The following NECAB1 variants were observed in gnomAD, a reference collection of about 807,000 sequenced individuals.
The protein encoded by NECAB1 is N-terminal EF-hand calcium binding protein 1.
A neutral mutation model predicts 57.5 loss-of-function variants in NECAB1; 29 were observed. The observed-to-expected ratio is 0.50, with a 90% CI of 0.38 to 0.69. The LOEUF (loss-of-function observed/expected upper bound fraction) is 0.69. NECAB1 is among the 30% of genes least tolerant of loss of function. The probability of loss-of-function intolerance (pLI) is 0.00; values close to 1 mark genes in which losing one functional copy is unlikely to be tolerated. For missense variants in NECAB1, 372 were observed against 413.8 expected (o/e 0.90, Z 0.88); for synonymous variants, 142 against 147.7 (o/e 0.96, Z 0.28).
At chr8:90,816,771 A>G (rs1219352347) in intron 2 of NECAB1, among the ~76,000 whole-genome samples, 2 of 151,664 alleles carry the variant, frequency 1.3e-5, no homozygotes, top group Non-Finnish European at 3.0e-5. Flanking sequence ...TCTGTCCTCA[A>G]ACTTTATTCT....
chr8:90,934,245 G>A, intron 8 of NECAB1, 59 bp from the exon 9 acceptor site: 1 of 1,158,072 alleles, frequency 8.6e-7, no homozygotes, highest in South Asian at 1.5e-5. Flanking sequence ...TGAATATATG[G>A]CATTGTTTTA....
chr8:90,848,921 G>A (rs1206742983), intron 3 of NECAB1, among the ~76,000 whole-genome samples: 10 of 152,068 alleles, frequency 6.6e-5, no homozygotes, highest in South Asian at 4.1e-4. Flanking sequence ...ACTGCACTCC[G>A]GTCTGTGTGA....
chr8:90,919,855 C>T (rs1226956252), intron 6 of NECAB1, among the ~76,000 whole-genome samples: 1 of 152,160 alleles, frequency 6.6e-6, no homozygotes, highest in Non-Finnish European at 1.5e-5. Flanking sequence ...AAGTGCTCTA[C>T]TCCCCTTCTT....
chr8:90,907,143 TGTGTGTGTGAGA>T lies in NECAB1; in HGVS notation c.358-10347_358-10336del, dbSNP rs1365967673. Reference sequence around the variant, plus strand: ...AATTTTGTGTGTGTGTGTGTGTGTGTGTGTGTGTGAGAGAGAGAGAGAGAGAGAGAGAGAGAG... The same window carrying T: ...AATTTTGTGTGTGTGTGTGTGTGTGTGAGAGAGAGAGAGAGAGAGAGAGAG... On this transcript the variant is annotated intron_variant, in intron 5 of 12. Coordinates refer to ENST00000417640, the MANE Select transcript of NECAB1 (RefSeq NM_022351.5). Among the ~76,000 whole-genome samples the T allele has an allele frequency of 2.3e-3, 243 of 106,640 alleles. 2 individuals are homozygous for T. Among genetic ancestry groups the T allele is most frequent in the African/African-American group, 9.2e-3 (204 of 22,284 alleles). 70.0% of individuals were successfully genotyped at this position (106,640 alleles called of 152,430 possible).
intron 3 of NECAB1, among the ~76,000 whole-genome samples, chr8:90,852,675 C>T: frequency 6.6e-6 from 1 of 152,136 alleles, no homozygotes; most frequent in South Asian, 2.1e-4. Flanking sequence ...AGAGAAGTGG[C>T]TTGACTTCAG....
chr8:90,816,269 T>C (rs935362034), intron 2 of NECAB1, among the ~76,000 whole-genome samples: 5 of 151,868 alleles, frequency 3.3e-5, no homozygotes, highest in East Asian at 1.9e-4. Context: ...TATTCAGATA[T>C]GGGTTTCGCA....
At chr8:90,811,550 G>C (rs1178727889) in intron 2 of NECAB1, among the ~76,000 whole-genome samples, 1 of 152,196 alleles carries the variant, frequency 6.6e-6, no homozygotes, top group Non-Finnish European at 1.5e-5. Context: ...TTCAGTTTAA[G>C]TGACAGAAAA....
At chr8:90,897,537 T>C (rs1270642130) in intron 5 of NECAB1, among the ~76,000 whole-genome samples, 1 of 152,222 alleles carries the variant, frequency 6.6e-6, no homozygotes, top group African/African-American at 2.4e-5. Context: ...TCATTATATA[T>C]GTTATGGAAA....
rs112017898 is a variant in NECAB1, at chr8:90,861,491, C to T, written c.234-10637C>T. On this transcript the variant is annotated intron_variant, in intron 3 of 12. Transcript: ENST00000417640. The stretch of plus-strand genomic sequence containing the variant: ...TGGAATAGGCTAGGCTTTGCAACAC[C>T]GTCCTCTCCTGATGAAAAGTAATCA... 9.1e-3 allele frequency among the ~76,000 whole-genome samples: 1,392 copies of T among 152,174 alleles called. 20 individuals carry two copies. The highest frequency in any genetic ancestry group is 0.031 in the African/African-American group (1,297 of 41,526).
At chr8:90,795,534 C>G (rs1202608775) in intron 1 of NECAB1, among the ~76,000 whole-genome samples, 1 of 152,148 alleles carries the variant, frequency 6.6e-6, no homozygotes, top group Non-Finnish European at 1.5e-5. Context: ...TTGGTGAAAA[C>G]AAGAAATAGT....
rs113152255 is a variant in NECAB1, at chr8:90,851,482, T to C, written c.234-20646T>C. ...AGTATTAAGGATCATAATTGAATTG[T>C]AGGACACTCAATTGATATCCAGACT... On this transcript the variant is annotated intron_variant, in intron 3 of 12. Coordinates refer to ENST00000417640, the MANE Select transcript of NECAB1 (RefSeq NM_022351.5). Among the ~76,000 whole-genome samples, 40 of 152,226 alleles carry C rather than the reference T, an allele frequency of 2.6e-4. 1 individual carries two copies. Among genetic ancestry groups the C allele is most frequent in the African/African-American group, 9.4e-4 (39 of 41,522 alleles).
At chr8:90,844,353 G>A (rs4735414) in intron 3 of NECAB1, among the ~76,000 whole-genome samples, 49,129 of 151,974 alleles carry the variant, frequency 0.32, 9,179 homozygotes, top group East Asian at 0.73. Context: ...AGCTCCCTCT[G>A]TGATGTTACC....
intron 5 of NECAB1, among the ~76,000 whole-genome samples, chr8:90,899,477 C>T (rs1455807025): frequency 6.6e-6 from 1 of 152,094 alleles, no homozygotes; most frequent in African/African-American, 2.4e-5. Context: ...ATCTAAAGTC[C>T]TAGTTACTGA....
chr8:90,903,473 C>G (rs1402452735), intron 5 of NECAB1, among the ~76,000 whole-genome samples: 1 of 152,126 alleles, frequency 6.6e-6, no homozygotes, highest in Non-Finnish European at 1.5e-5. Context: ...AAGGTAGTTA[C>G]TAAAAACAGT....
chr8:90,805,345 A>C (rs1163539811), intron 2 of NECAB1, among the ~76,000 whole-genome samples: 1 of 152,084 alleles, frequency 6.6e-6, no homozygotes, highest in Non-Finnish European at 1.5e-5. Flanking sequence ...AAGAAGAGGC[A>C]ATAGGCAGTA....
intron 5 of NECAB1, among the ~76,000 whole-genome samples, chr8:90,913,048 T>C (rs1809865500): frequency 3.3e-5 from 5 of 152,298 alleles, no homozygotes; most frequent in East Asian, 1.9e-4. Flanking sequence ...ACTGACTTGA[T>C]TGATTTTCAA....
rs757845398 is a variant in NECAB1 at position 90,940,818 on chromosome 8, G to A, written c.780G>A (p.Val260=). The change falls in exon 10 of 13, where the codon GTG becomes GTA. Residue 260 remains valine, a synonymous_variant. Coordinates refer to ENST00000417640, the MANE Select transcript of NECAB1 (RefSeq NM_022351.5). ...HIMLVQRQMS[V]IEEDLEEFQL... is the part of the protein sequence containing the mutation. ...TGCTTGTGCAGCGGCAGATGTCTGT[G>A]ATAGAAGAGGACCTGGAAGAATTCC... 3 of 1,563,316 alleles carry A rather than the reference G, an allele frequency of 1.9e-6. No homozygotes were observed. Among genetic ancestry groups the A allele is most frequent in the East Asian group, 2.4e-5 (1 of 41,852 alleles).
In NECAB1 at chr8:90,873,305, G is replaced by A. The variant is rs552996848; in HGVS notation, c.259+1152G>A. On this transcript the variant is annotated intron_variant, in intron 4 of 12. Transcript: ENST00000417640. ...ACCAAAGCAGGACATGCTTTTGTTA[G>A]TTATGAAATACCAACAGGGAAAATC... is the stretch of plus-strand genomic sequence containing the variant. Among the ~76,000 whole-genome samples, 3 of 152,298 alleles carry A rather than the reference G, an allele frequency of 2.0e-5. No homozygotes were observed. In the South Asian group the frequency reaches 6.2e-4, roughly 32 times the overall value.
At chr8:90,931,311 G>C (rs910785836) in intron 8 of NECAB1, among the ~76,000 whole-genome samples, 2 of 152,140 alleles carry the variant, frequency 1.3e-5, no homozygotes, top group Non-Finnish European at 2.9e-5. Flanking sequence ...GGCTGAGTAC[G>C]TCATTTCACT....
Sources: allele counts gnomAD v4.1 joint callset (sites outside exome capture counted in the v4.1 genomes callset), GRCh38; gene constraint gnomAD v4.1.1; transcripts MANE v1.5; gene names NCBI Gene and HGNC (gene_info 2026-07-23, HGNC 2026-07-21).